PREPL: variants seen among roughly 807,000 people sequenced by gnomAD.
PREPL encodes prolyl endopeptidase like, also known as prolyl endopeptidase-like.
Under a neutral mutation model 70.6 loss-of-function variants are expected in PREPL, and 77 were observed. That is an observed-to-expected ratio of 1.09 (90% CI 0.91 to 1.32). The LOEUF (loss-of-function observed/expected upper bound fraction) is 1.32. PREPL is among the 40% of genes most tolerant of loss of function. PREPL has a pLI of 0.00. For synonymous variants in PREPL, 315 were observed against 264.8 expected (o/e 1.19, Z -1.84); for missense variants, 1,002 against 778.2 (o/e 1.29, Z -3.42).
At chr2:44,323,720 C>T (rs190439484) in intron 10 of PREPL, among the ~76,000 whole-genome samples, 3 of 152,228 alleles carry the variant, frequency 2.0e-5, no homozygotes, top group African/African-American at 7.2e-5. Context: ...ATAAATGCTA[C>T]TGTCTCATAC....
In PREPL at chr2:44,326,861, C is replaced by A. The variant is rs2103752027; in HGVS notation, c.1330G>T (p.Ala444Ser). The A allele has an allele frequency of 6.2e-7, 1 of 1,614,184 alleles. No homozygotes were observed. The highest frequency in any genetic ancestry group is 8.5e-7 in the Non-Finnish European group (1 of 1,180,032). The change falls in exon 10 of 14, where the codon GCT becomes TCT. Residue 444 changes from alanine to serine, a missense_variant. Ala to Ser is a moderately conservative substitution (Grantham distance 99, BLOSUM62 1). Coordinates refer to ENST00000409411, the MANE Select transcript of PREPL (RefSeq NM_001171613.2). ...GTCTTAATGCAAGCCTCTAAATCAG[C>A]AAGGCCATTGAGTTTTTTAGTTAGG... ...GRLTKKLNGL[A>S]DLEACIKTLH... is the part of the protein sequence containing the mutation.
At chr2:44,357,495 C>T (rs192536886) in intron 1 of PREPL, among the ~76,000 whole-genome samples, 2 of 152,246 alleles carry the variant, frequency 1.3e-5, no homozygotes, top group African/African-American at 4.8e-5. Context: ...TGATACATGA[C>T]ATGTGACAGC....
chr2:44,320,199 G>A lies in PREPL; in HGVS notation c.*1157C>T. ...CGTAAATACTTTTTTAAAAAAATAG[G>A]TCCAAAAGACTCAGCCCAGATCGGC... On this transcript the variant is annotated 3_prime_UTR_variant, in exon 14 of 14. Transcript: ENST00000409411. The A allele has an allele frequency of 6.2e-7, 1 of 1,611,406 alleles. No individual in the cohort carries two copies. The highest frequency in any genetic ancestry group is 8.5e-7 in the Non-Finnish European group (1 of 1,178,118).
rs1382233422 is a variant in PREPL, at chr2:44,328,961, C to T, written c.1238G>A (p.Trp413Ter). The T allele has an allele frequency of 1.2e-6, 2 of 1,613,618 alleles. No homozygotes were observed. The highest frequency in any genetic ancestry group is 8.5e-7 in the Non-Finnish European group (1 of 1,179,796). Residue 413 changes from tryptophan to a stop codon, truncating the protein, a stop_gained, in exon 9 of 14, where the codon TGG (tryptophan) becomes TAG (stop). Coordinates refer to ENST00000409411, the MANE Select transcript of PREPL (RefSeq NM_001171613.2). LOFTEE classifies it high-confidence loss of function. ...CCGAACATGGCAGTATGCTAATATC[C>T]ATCCATCATCCACCAGGACCCGCCT... ...PERRVLVDDGWILAYCHVRGG... is the reference protein window; with the variant it reads ...PERRVLVDDG
chr2:44,324,888 C>CA (rs1264766382), intron 10 of PREPL, among the ~76,000 whole-genome samples: 1 of 151,462 alleles, frequency 6.6e-6, no homozygotes, highest in Non-Finnish European at 1.5e-5. Flanking sequence ...AACTCTGACT[C>CA]AAAAAACAAA....
In PREPL at chr2:44,339,083, G is replaced by A. The variant is rs1238448596; in HGVS notation, c.702+64C>T. The A allele has an allele frequency of 5.7e-6, 9 of 1,588,184 alleles. No homozygotes were observed. The East Asian group carries it at 1.6e-4, about 28-fold the overall frequency. On this transcript the variant is annotated intron_variant, in intron 6 of 13. Transcript: ENST00000409411. ...ACAATGAGCTCTTGGAGCAAGAAAT[G>A]TTGTTGATCGAAGTGTGACACTTCT...
intron 10 of PREPL, among the ~76,000 whole-genome samples, chr2:44,323,758 AAACAACAAC>A (rs534544261): frequency 6.6e-6 from 1 of 152,130 alleles, no homozygotes; most frequent in East Asian, 1.9e-4. Flanking sequence ...TATTATATTA[AAACAACAAC>A]AACAACAACA....
At chr2:44,356,706 C>T (rs1041001995) in intron 1 of PREPL, among the ~76,000 whole-genome samples, 1 of 152,176 alleles carries the variant, frequency 6.6e-6, no homozygotes, top group Non-Finnish European at 1.5e-5. Flanking sequence ...GAAGAGTCCC[C>T]AAACTTTTAG....
At chr2:44,330,965 C>T (rs1674026125) in intron 8 of PREPL, among the ~76,000 whole-genome samples, 1 of 152,088 alleles carries the variant, frequency 6.6e-6, no homozygotes, top group Admixed American at 6.5e-5. Context: ...TTTTCTGAGA[C>T]AGGATCTTAC....
rs1362950192 is a variant in PREPL at position 44,344,511 on chromosome 2, G to A, written c.142+9C>T. On this transcript the variant is annotated intron_variant, in intron 3 of 13. Coordinates refer to ENST00000409411, the MANE Select transcript of PREPL (RefSeq NM_001171613.2). The stretch of plus-strand genomic sequence containing the variant: ...ATTAGAGCACGTAAAAAGAAAAATT[G>A]TGGTGTACCTTCTTCATCTTTGGAA... The A allele has an allele frequency of 6.4e-7, 1 of 1,556,604 alleles. No individual in the cohort carries two copies. Among genetic ancestry groups the A allele is most frequent in the Non-Finnish European group, 8.7e-7 (1 of 1,152,568 alleles).
intron 13 of PREPL, 63 bp from the exon 14 acceptor site, chr2:44,321,508 G>C (rs1382993548): frequency 1.1e-5 from 18 of 1,573,874 alleles, no homozygotes; most frequent in Non-Finnish European, 1.6e-5. Flanking sequence ...CACTGTTTAA[G>C]CTTCTCTTTA....
At chr2:44,354,519 T>C (rs909400789) in intron 1 of PREPL, among the ~76,000 whole-genome samples, 1 of 152,020 alleles carries the variant, frequency 6.6e-6, no homozygotes, top group African/African-American at 2.4e-5. Flanking sequence ...GACTCATATA[T>C]CCAACTGCTA....
rs753770343 is a variant in PREPL, at chr2:44,326,853, TA to T, written c.1337del (p.Leu446Ter). ...CATGAAGCGTCTTAATGCAAGCCTC[TA>T]AATCAGCAAGGCCATTGAGTTTTTT... ...LTKKLNGLAD[L>X]EACIKTLHGQ... On this transcript the variant is annotated frameshift_variant, in exon 10 of 14. Coordinates refer to ENST00000409411, the MANE Select transcript of PREPL (RefSeq NM_001171613.2). LOFTEE classifies it high-confidence loss of function. The T allele has an allele frequency of 6.2e-7, 1 of 1,614,176 alleles. No homozygotes were observed. The highest frequency in any genetic ancestry group is 8.5e-7 in the Non-Finnish European group (1 of 1,180,022).
At chr2:44,358,227 A>T (rs1323367128) in intron 1 of PREPL, among the ~76,000 whole-genome samples, 1 of 152,230 alleles carries the variant, frequency 6.6e-6, no homozygotes, top group Non-Finnish European at 1.5e-5. Flanking sequence ...AACTATAAAA[A>T]GAAATGAAGT....
Position 44,320,450 on chromosome 2 carries a change from T to C in PREPL, c.*906A>G, listed in dbSNP as rs770711385. On this transcript the variant is annotated 3_prime_UTR_variant, in exon 14 of 14. Transcript: ENST00000409411. ...CCGCTAAAATGAGAATAAGGTTAAG[T>C]ACCAATTCTGCCGACAAAGGCAGTA... 1.2e-6 allele frequency: 2 copies of C among 1,614,012 alleles called. No homozygotes were observed. Among genetic ancestry groups the C allele is most frequent in the African/African-American group, 1.3e-5 (1 of 74,940 alleles).
At chr2:44,345,401 G>C (rs1359962329) in intron 2 of PREPL, among the ~76,000 whole-genome samples, 1 of 151,780 alleles carries the variant, frequency 6.6e-6, no homozygotes, top group Non-Finnish European at 1.5e-5. Flanking sequence ...ACCCAGGCTG[G>C]AGTGCAGTGG....
intron 1 of PREPL, chr2:44,359,701 G>C: frequency 6.2e-7 from 1 of 1,610,614 alleles, no homozygotes; most frequent in Non-Finnish European, 8.5e-7. Flanking sequence ...GAAATAATTT[G>C]GTCTTCTGCT....
intron 7 of PREPL, among the ~76,000 whole-genome samples, chr2:44,336,564 A>C (rs1352143985): frequency 6.6e-6 from 1 of 152,044 alleles, no homozygotes; most frequent in African/African-American, 2.4e-5. Flanking sequence ...GGATTGAAAA[A>C]CTACCTATTG....
chr2:44,318,098 T>G lies in PREPL; in HGVS notation c.*3258A>C, dbSNP rs973977293. On this transcript the variant is annotated 3_prime_UTR_variant, in exon 14 of 14. Coordinates refer to ENST00000409411, the MANE Select transcript of PREPL (RefSeq NM_001171613.2). ...ATACTTAAAGGATCTCAACACTGTT[T>G]TTTTTTTTTTTTGAGACAGTCTTGC... 1 of 308,944 alleles carries G rather than the reference T, an allele frequency of 3.2e-6. No individual in the cohort carries two copies. 19.1% of individuals were successfully genotyped at this position (308,944 alleles called of 1,614,324 possible).
Sources: allele counts gnomAD v4.1 joint callset (sites outside exome capture counted in the v4.1 genomes callset), GRCh38; gene constraint gnomAD v4.1.1; transcripts MANE v1.5; gene names NCBI Gene and HGNC (gene_info 2026-07-23, HGNC 2026-07-21).